Variants in UGGT1 observed in about 807,000 individuals in gnomAD.
UGGT1 encodes UDP-glucose:glycoprotein glucosyltransferase 1.
A neutral mutation model predicts 203.9 loss-of-function variants in UGGT1; 107 were observed. The observed-to-expected ratio is 0.52, with a 90% confidence interval of 0.45 to 0.62. The LOEUF is 0.62. Ranked by LOEUF, UGGT1 falls within the 20% of genes least tolerant of loss-of-function variation. UGGT1 has a pLI of 0.00. For missense variants in UGGT1, 1,673 were observed against 1,867.2 expected, an observed-to-expected ratio of 0.90 and a Z score of 1.92; for synonymous variants, 628 against 653.5, an observed-to-expected ratio of 0.96 and a Z score of 0.59.
At chr2:128,164,968 AC>A in intron 26 of UGGT1, 143 bp downstream of exon 26, 1 of 594,574 alleles carries the variant, frequency 1.7e-6, no homozygotes, top group Non-Finnish European at 2.8e-6. Flanking sequence ...TGCAGTTTTC[AC>A]ATGTATATAT....
chr2:128,104,004 A>G lies in UGGT1; in HGVS notation c.267A>G (p.Ser89=). ...AAGCCAGTCAAAATATTGGATCATC[A>G]GATCATGACGGTAAAATTGAAGCAA... is the stretch of plus-strand genomic sequence containing the variant. ...FVEASQNIGS[S]DHDGTDYSYY... is the part of the protein sequence containing the mutation. Residue 89 remains serine, a synonymous_variant, in exon 3 of 41, where the codon TCA becomes TCG. Coordinates refer to ENST00000259253, the MANE Select transcript of UGGT1 (RefSeq NM_020120.4). The G allele has an allele frequency of 6.3e-7, 1 of 1,577,940 alleles. No homozygotes were observed. Among genetic ancestry groups the G allele is most frequent in the Non-Finnish European group, 8.6e-7 (1 of 1,169,334 alleles).
Position 128,133,303 on chromosome 2 carries a change from T to TC in UGGT1, c.1497+43_1497+44insC, listed in dbSNP as rs1486329697. ...TCTGGCTGTGAACTCTGTTTCTCCC[T>TC]TGCCTAGTCCCTCTTTTTTTGTCAT... On this transcript the variant is annotated intron_variant, in intron 14 of 40. Transcript: ENST00000259253. 3 of 1,554,584 alleles carry TC rather than the reference T, an allele frequency of 1.9e-6. No individual in the cohort carries two copies. The East Asian group carries it at 7.1e-5, about 37-fold the overall frequency.
At chr2:128,130,063 C>T (rs1415032659) in intron 13 of UGGT1, among the ~76,000 whole-genome samples, 8 of 151,914 alleles carry the variant, frequency 5.3e-5, no homozygotes, top group Admixed American at 5.2e-4. Flanking sequence ...GAGATTGAGA[C>T]CAGCCTGGCC....
At chr2:128,104,465 GTATCAAATGAATGAT>G (rs1169324614) in intron 3 of UGGT1, among the ~76,000 whole-genome samples, 3 of 152,110 alleles carry the variant, frequency 2.0e-5, no homozygotes, top group Non-Finnish European at 2.9e-5. Context: ...GAGTGTTAAG[GTATCAAATGAATGAT>G]TATCCTGTAA....
chr2:128,136,957 A>G (rs1689156108), intron 15 of UGGT1, among the ~76,000 whole-genome samples: 1 of 152,152 alleles, frequency 6.6e-6, no homozygotes, highest in South Asian at 2.1e-4. Flanking sequence ...TTCCCTAATG[A>G]CATATGATGT....
chr2:128,136,514 T>C (rs1444318691), intron 15 of UGGT1, among the ~76,000 whole-genome samples: 1 of 152,250 alleles, frequency 6.6e-6, no homozygotes, highest in East Asian at 1.9e-4. Flanking sequence ...CATTTAAGCT[T>C]CCTCTGTGTC....
intron 2 of UGGT1, among the ~76,000 whole-genome samples, chr2:128,099,166 C>A (rs1687252579): frequency 6.6e-6 from 1 of 152,086 alleles, no homozygotes. Context: ...GTTTTTGAGA[C>A]AAGGCCTGTC....
chr2:128,138,429 C>T (rs1165921994), intron 15 of UGGT1, among the ~76,000 whole-genome samples: 2 of 151,830 alleles, frequency 1.3e-5, no homozygotes, highest in Non-Finnish European at 2.9e-5. Flanking sequence ...GCAGGAGAAT[C>T]GCTTGAACCT....
chr2:128,160,111 T>A, intron 23 of UGGT1, among the ~76,000 whole-genome samples: 1 of 152,196 alleles, frequency 6.6e-6, no homozygotes. Context: ...TGACACAGTT[T>A]TGTAGTTTTT....
chr2:128,124,443 T>C (rs1688518951), intron 11 of UGGT1, among the ~76,000 whole-genome samples: 1 of 152,116 alleles, frequency 6.6e-6, no homozygotes, highest in Admixed American at 6.6e-5. Flanking sequence ...TATCTGAAAT[T>C]TCATAATTAT....
rs539886154 is a variant in UGGT1, at chr2:128,134,054, G to A, written c.1497+794G>A. On this transcript the variant is annotated intron_variant, in intron 14 of 40. Transcript: ENST00000259253. The stretch of plus-strand genomic sequence containing the variant: ...TGTCTCTTTTCTTCCCCCCACTCCC[G>A]CAGAAAGAGTCTTGCTCTGTTGCCC... Among the ~76,000 whole-genome samples, 61 of 151,364 alleles carry A rather than the reference G, an allele frequency of 4.0e-4. No individual in the cohort carries two copies. The South Asian group carries it at 0.01, about 26-fold the overall frequency.
At chr2:128,116,008 T>C (rs995215069) in intron 7 of UGGT1, among the ~76,000 whole-genome samples, 4 of 151,824 alleles carry the variant, frequency 2.6e-5, no homozygotes, top group Non-Finnish European at 5.9e-5. Context: ...GTTTTTAGCA[T>C]GTAAAATTTT....
intron 39 of UGGT1, chr2:128,187,185 T>G: frequency 2.9e-6 from 1 of 342,380 alleles, no homozygotes; most frequent in Non-Finnish European, 5.2e-6. Context: ...GAGTCACTCC[T>G]TGGCTTCCAG....
intron 2 of UGGT1, chr2:128,102,988 TATG>T (rs1687447693): frequency 4.2e-5 from 19 of 456,660 alleles, no homozygotes; most frequent in South Asian, 3.1e-4. Flanking sequence ...TTTAATATAT[TATG>T]ATAATGGGTA....
At chr2:128,148,657 G>T (rs963326973) in intron 18 of UGGT1, among the ~76,000 whole-genome samples, 1 of 152,114 alleles carries the variant, frequency 6.6e-6, no homozygotes, top group African/African-American at 2.4e-5. Flanking sequence ...TTTTCCCTGG[G>T]CATTCACGTA....
At chr2:128,130,237 G>C (rs1291357152) in intron 13 of UGGT1, among the ~76,000 whole-genome samples, 1 of 149,314 alleles carries the variant, frequency 6.7e-6, no homozygotes, top group African/African-American at 2.5e-5. Context: ...CTCCAGTCTG[G>C]GTGACAGAGC....
At chr2:128,121,842 G>A (rs942512973) in intron 10 of UGGT1, among the ~76,000 whole-genome samples, 3 of 152,204 alleles carry the variant, frequency 2.0e-5, no homozygotes, top group African/African-American at 7.2e-5. Flanking sequence ...CTTATTAGTT[G>A]TGTGACCTTT....
intron 1 of UGGT1, among the ~76,000 whole-genome samples, chr2:128,095,846 C>G (rs1476625931): frequency 6.6e-6 from 1 of 152,104 alleles, no homozygotes; most frequent in African/African-American, 2.4e-5. Context: ...TGACTAGTCC[C>G]CAATGTGGAC....
At chr2:128,149,901 G>A (rs1424109763) in intron 18 of UGGT1, among the ~76,000 whole-genome samples, 1 of 152,184 alleles carries the variant, frequency 6.6e-6, no homozygotes, top group Non-Finnish European at 1.5e-5. Context: ...GGCCGAGGTT[G>A]CAGTGAGCCA....
Sources: allele counts gnomAD v4.1 joint callset (sites outside exome capture counted in the v4.1 genomes callset), GRCh38; gene constraint gnomAD v4.1.1; transcripts MANE v1.5; gene names NCBI Gene and HGNC (gene_info 2026-07-23, HGNC 2026-07-21).